The following PTPN2 variants were observed in gnomAD, a reference collection of about 807,000 sequenced individuals.
PTPN2 encodes protein tyrosine phosphatase non-receptor type 2, also known as tyrosine-protein phosphatase non-receptor type 2.
In PTPN2, 19 loss-of-function variants were observed where a neutral mutation model predicts 57.3. The observed-to-expected ratio is 0.33, with a 90% CI of 0.23 to 0.49. PTPN2 has a LOEUF of 0.49. Among genes scored for constraint, PTPN2 ranks in the 20% least tolerant of loss-of-function variants. PTPN2 has a pLI of 0.99. For synonymous variants in PTPN2, 153 were observed against 164.9 expected (o/e 0.93, Z 0.55); for missense variants, 358 against 501.1 (o/e 0.71, Z 2.73).
exon 10 of PTPN2, chr18:12,785,720 G>T: frequency 9.7e-7 from 1 of 1,029,472 alleles, no homozygotes; most frequent in Non-Finnish European, 1.5e-6. Flanking sequence ...CAATCTAGAG[G>T]GTTAGCGAGC....
At chr18:12,792,098 C>T, downstream of PTPN2, 1 of 536,796 alleles carries the variant, frequency 1.9e-6, no homozygotes, top group Non-Finnish European at 2.4e-6. Flanking sequence ...CTCTTACCTC[C>T]TCTCCATTTC....
At chr18:12,843,993 C>T (rs185521112) in intron 2 of PTPN2, 1 of 152,222 alleles carries the variant, frequency 6.6e-6, no homozygotes, top group African/African-American at 2.4e-5. Flanking sequence ...CTCTCCCTCT[C>T]GAGAATTCTC....
intron 7 of PTPN2, among the ~76,000 whole-genome samples, chr18:12,807,582 A>ATATATATATATATATATATAT (rs764663687): frequency 1.6e-5 from 1 of 61,492 alleles, no homozygotes; most frequent in Admixed American, 2.5e-4. Context: ...AAAAAAAAAA[A>ATATATATATATATATATATAT]AAAAATATAT....
At chr18:12,879,726 C>G (rs532418676) in intron 1 of PTPN2, among the ~76,000 whole-genome samples, 6 of 152,306 alleles carry the variant, frequency 3.9e-5, no homozygotes, top group African/African-American at 1.4e-4. Context: ...ATACTAAATT[C>G]ATTTTTCCCG....
At chr18:12,839,681 T>TA (rs2042981330) in intron 2 of PTPN2, 1 of 152,172 alleles carries the variant, frequency 6.6e-6, no homozygotes, top group African/African-American at 2.4e-5. Flanking sequence ...ATCAAGAACA[T>TA]ACACTTTTTT....
At chr18:12,841,726 A>G (rs1788031028) in intron 2 of PTPN2, among the ~76,000 whole-genome samples, 1 of 152,194 alleles carries the variant, frequency 6.6e-6, no homozygotes, top group Non-Finnish European at 1.5e-5. Context: ...CAAATCTCCT[A>G]ATTGAAAAAG....
chr18:12,854,917 G>C (rs1004294717), intron 2 of PTPN2, among the ~76,000 whole-genome samples: 1 of 152,124 alleles, frequency 6.6e-6, no homozygotes, highest in African/African-American at 2.4e-5. Context: ...TTGAGAGGCC[G>C]AGGTGGGCCA....
At chr18:12,786,602 G>A (rs2040850516) in intron 9 of PTPN2, 1 of 152,148 alleles carries the variant, frequency 6.6e-6, no homozygotes, top group Admixed American at 6.5e-5. Flanking sequence ...CTTTTTAGGA[G>A]GTCAATGGTA....
At chr18:12,847,863 T>C (rs2145433985) in intron 2 of PTPN2, among the ~76,000 whole-genome samples, 1 of 149,916 alleles carries the variant, frequency 6.7e-6, no homozygotes, top group Admixed American at 6.7e-5. Context: ...CCTCCTAAAG[T>C]GCTGGGATTA....
chr18:12,860,109 G>A (rs989528058), intron 1 of PTPN2, among the ~76,000 whole-genome samples: 1 of 151,920 alleles, frequency 6.6e-6, no homozygotes, highest in African/African-American at 2.4e-5. Flanking sequence ...CCAACAAAGC[G>A]AAACCCCGTC....
In PTPN2 at chr18:12,794,518, G is replaced by A. The variant is rs2041092784; in HGVS notation, c.1041-33C>T. 3.1e-6 allele frequency: 5 copies of A among 1,605,072 alleles called. No homozygotes were observed. The South Asian group carries it at 3.3e-5, about 11-fold the overall frequency. On this transcript the variant is annotated intron_variant, in intron 8 of 8. Coordinates refer to ENST00000309660, the MANE Select transcript of PTPN2 (RefSeq NM_002828.4). The stretch of plus-strand genomic sequence containing the variant: ...GAAATAAAAACAAGTGAAAGGAAGT[G>A]CACACAGAGCAGGACTTGAGTACTC...
intron 7 of PTPN2, among the ~76,000 whole-genome samples, chr18:12,804,946 T>C (rs1335588930): frequency 1.3e-5 from 2 of 152,152 alleles, no homozygotes; most frequent in Admixed American, 6.5e-5. Flanking sequence ...ATATCCTTGA[T>C]GAATATGGAT....
At chr18:12,850,306 C>T (rs1345750661) in intron 2 of PTPN2, among the ~76,000 whole-genome samples, 1 of 151,996 alleles carries the variant, frequency 6.6e-6, no homozygotes, top group African/African-American at 2.4e-5. Flanking sequence ...GCCTGGCCAA[C>T]ACAGTGAAAC....
At chr18:12,813,052 A>G (rs2041950166) in intron 7 of PTPN2, among the ~76,000 whole-genome samples, 1 of 151,682 alleles carries the variant, frequency 6.6e-6, no homozygotes. Flanking sequence ...TAGGAAAGAC[A>G]CAATCCAAAG....
chr18:12,870,264 TATATATATGTATATATATACATATAC>T lies in PTPN2; in HGVS notation c.70-11036_70-11011del, dbSNP rs1254602148. On this transcript the variant is annotated intron_variant, in intron 1 of 8. Transcript: ENST00000309660. ...ATCCAGTACTTAACTTTAGCATATA[TATATATATGTATATATATACATATAC>T]ATATATATGTGTATATATACATATA... Among the ~76,000 whole-genome samples, 9 of 96,654 alleles carry T rather than the reference TATATATATGTATATATATACATATAC, an allele frequency of 9.3e-5. No individual in the cohort carries two copies. In the East Asian group the frequency reaches 1.8e-3, roughly 19 times the overall value. 63.4% of individuals were successfully genotyped at this position (96,654 alleles called of 152,430 possible).
downstream of PTPN2, chr18:12,787,302 T>TA (rs1453638273): frequency 6.6e-6 from 1 of 152,232 alleles, no homozygotes; most frequent in African/African-American, 2.4e-5. Flanking sequence ...GGTTTGGAGT[T>TA]ACTGGAAGTC....
intron 3 of PTPN2, among the ~76,000 whole-genome samples, chr18:12,832,464 T>C (rs1212301022): frequency 6.6e-6 from 1 of 152,212 alleles, no homozygotes; most frequent in Non-Finnish European, 1.5e-5. Flanking sequence ...ATGTAGCAGA[T>C]ACTCAATAAA....
Position 12,793,368 on chromosome 18 carries a change from C to T in PTPN2, c.*910G>A, listed in dbSNP as rs2041041467. The T allele has an allele frequency of 3.1e-6, 3 of 978,050 alleles. No homozygotes were observed. Among genetic ancestry groups the T allele is most frequent in the African/African-American group, 3.5e-5 (2 of 57,128 alleles). The allele number at this position is 978,050 out of a possible 1,614,324, so 60.6% of individuals were successfully genotyped here. A position where few individuals can be genotyped will look rare whatever the true frequency, so the allele number is the denominator to read the frequency against. Reference sequence around the variant, plus strand: ...CATAAAATGCTGCTTCTTACTTTTGCTTCCTAAATCATAATCTACCCCAAC... The same window carrying T: ...CATAAAATGCTGCTTCTTACTTTTGTTTCCTAAATCATAATCTACCCCAAC... On this transcript the variant is annotated 3_prime_UTR_variant, in exon 9 of 9. Transcript: ENST00000309660.
At chr18:12,855,441 G>C (rs484020) in intron 2 of PTPN2, among the ~76,000 whole-genome samples, 4 of 151,868 alleles carry the variant, frequency 2.6e-5, no homozygotes, top group African/African-American at 9.7e-5. Context: ...CGAAGGATTC[G>C]GCTAGGACAG....
Sources: allele counts gnomAD v4.1 joint callset (sites outside exome capture counted in the v4.1 genomes callset), GRCh38; gene constraint gnomAD v4.1.1; transcripts MANE v1.5; gene names NCBI Gene and HGNC (gene_info 2026-07-23, HGNC 2026-07-21).